HOOK3: variants seen among roughly 807,000 people sequenced by gnomAD.
The protein encoded by HOOK3 is hook microtubule tethering protein 3.
HOOK3 carries 24 observed loss-of-function variants against 116.3 expected under a neutral mutation model. The ratio of observed to expected loss-of-function variants is 0.21; its 90% CI spans 0.15 to 0.29. The LOEUF (loss-of-function observed/expected upper bound fraction) is 0.29. HOOK3 is among the 10% of genes least tolerant of loss of function. The pLI is 1.00. For missense variants in HOOK3, 632 were observed against 830.2 expected, an observed-to-expected ratio of 0.76 and a Z score of 2.93; for synonymous variants, 275 against 283.0, an observed-to-expected ratio of 0.97 and a Z score of 0.28.
intron 15 of HOOK3, among the ~76,000 whole-genome samples, chr8:42,990,107 C>G (rs1448645825): frequency 6.6e-6 from 1 of 151,874 alleles, no homozygotes; most frequent in East Asian, 1.9e-4. Flanking sequence ...AACTGTCCTT[C>G]CATGTCAGCC....
chr8:43,021,453 A>C lies in HOOK3; in HGVS notation c.*2955A>C, dbSNP rs537847921. ...AGAGTAGCTGGGATTACAGGTGCCC[A>C]CCACCATGGCTGGCTAATTTTTGTA... On this transcript the variant is annotated 3_prime_UTR_variant, in exon 22 of 22. Coordinates refer to ENST00000307602, the MANE Select transcript of HOOK3 (RefSeq NM_032410.4). 68 of 167,452 alleles carry C rather than the reference A, an allele frequency of 4.1e-4. No homozygotes were observed. Among genetic ancestry groups the C allele is most frequent in the Non-Finnish European group, 7.3e-4 (57 of 77,570 alleles). 10.4% of individuals were successfully genotyped at this position (167,452 alleles called of 1,614,324 possible).
intron 3 of HOOK3, 42 bp from the exon 4 acceptor site, chr8:42,930,080 T>G: frequency 6.5e-7 from 1 of 1,532,448 alleles, no homozygotes; most frequent in Non-Finnish European, 8.8e-7. Flanking sequence ...TGTTTTGATC[T>G]GTCTTGCCTT....
intron 15 of HOOK3, among the ~76,000 whole-genome samples, chr8:42,989,680 A>C (rs1439204320): frequency 6.6e-6 from 1 of 152,172 alleles, no homozygotes; most frequent in Non-Finnish European, 1.5e-5. Context: ...TTGTTGCGCT[A>C]GGAAATACTA....
chr8:42,977,330 G>C (rs1009718473), intron 13 of HOOK3, among the ~76,000 whole-genome samples: 7 of 152,088 alleles, frequency 4.6e-5, no homozygotes, highest in Non-Finnish European at 4.4e-5. Context: ...AGACACCTGG[G>C]GACTCCCTGT....
At chr8:42,950,690 AT>A (rs34792973) in intron 6 of HOOK3, among the ~76,000 whole-genome samples, 101 of 147,378 alleles carry the variant, frequency 6.9e-4, no homozygotes, top group African/African-American at 1.4e-3. Flanking sequence ...CTATTCCTAA[AT>A]TTTTTTTTTT....
At chr8:42,926,134 A>G (rs1460634480) in intron 3 of HOOK3, among the ~76,000 whole-genome samples, 1 of 152,218 alleles carries the variant, frequency 6.6e-6, no homozygotes. Context: ...AACTTACAAT[A>G]AGAAAAAAAG....
intron 15 of HOOK3, among the ~76,000 whole-genome samples, chr8:42,993,302 C>T (rs188660575): frequency 1.2e-4 from 19 of 152,224 alleles, no homozygotes; most frequent in Admixed American, 1.2e-3. Flanking sequence ...CTTACTCTGT[C>T]GCCCAAGCTG....
intron 5 of HOOK3, among the ~76,000 whole-genome samples, chr8:42,943,862 T>G (rs1320213921): frequency 6.6e-6 from 1 of 152,190 alleles, no homozygotes; most frequent in Non-Finnish European, 1.5e-5. Flanking sequence ...AGGCATATTG[T>G]ATTTGGAAAA....
At chr8:42,976,010 G>A (rs1808819692) in intron 13 of HOOK3, among the ~76,000 whole-genome samples, 1 of 151,266 alleles carries the variant, frequency 6.6e-6, no homozygotes, top group Admixed American at 6.6e-5. Flanking sequence ...CAGCCAAGAT[G>A]TAGATGTAGA....
intron 14 of HOOK3, among the ~76,000 whole-genome samples, chr8:42,984,879 G>A (rs1373813116): frequency 3.3e-5 from 5 of 152,148 alleles, no homozygotes; most frequent in Non-Finnish European, 7.3e-5. Flanking sequence ...CTCCAGCCTG[G>A]GCGACAGCTA....
intron 15 of HOOK3, among the ~76,000 whole-genome samples, chr8:42,992,436 G>C (rs1437523963): frequency 7.3e-6 from 1 of 137,448 alleles, no homozygotes; most frequent in East Asian, 2.1e-4. Flanking sequence ...ACTGATTTTT[G>C]GCCAGGTGCG....
chr8:42,917,903 T>C (rs1807563613), intron 2 of HOOK3, among the ~76,000 whole-genome samples: 1 of 152,206 alleles, frequency 6.6e-6, no homozygotes, highest in Non-Finnish European at 1.5e-5. Context: ...TAGTCAACTC[T>C]AACACACATT....
intron 2 of HOOK3, among the ~76,000 whole-genome samples, chr8:42,918,927 G>C (rs1423182575): frequency 2.0e-5 from 3 of 152,246 alleles, no homozygotes; most frequent in Admixed American, 2.0e-4. Flanking sequence ...TCAATGAGCT[G>C]TTGGGTACAC....
Position 43,022,729 on chromosome 8 carries a change from A to G in HOOK3, c.*4231A>G, listed in dbSNP as rs986490488. 1.7e-5 allele frequency: 3 copies of G among 180,162 alleles called. No individual in the cohort carries two copies. The highest frequency in any genetic ancestry group is 3.6e-5 in the Non-Finnish European group (3 of 84,260). The allele number at this position is 180,162 out of a possible 1,614,324, so 11.2% of individuals were successfully genotyped here. ...GTAATGCAGAAAAAAGTCCCTAAAGACCCTGTGTTCCAAAATTTACCAAGA... is the reference window on the plus strand; with the variant it reads ...GTAATGCAGAAAAAAGTCCCTAAAGGCCCTGTGTTCCAAAATTTACCAAGA... On this transcript the variant is annotated 3_prime_UTR_variant, in exon 22 of 22. Coordinates refer to ENST00000307602, the MANE Select transcript of HOOK3 (RefSeq NM_032410.4).
chr8:42,999,993 A>T (rs1809348780), intron 16 of HOOK3, among the ~76,000 whole-genome samples: 1 of 151,964 alleles, frequency 6.6e-6, no homozygotes, highest in Admixed American at 6.6e-5. Context: ...AAAAATACAA[A>T]AAAAATTAGC....
intron 2 of HOOK3, among the ~76,000 whole-genome samples, chr8:42,923,843 T>C (rs1290563182): frequency 6.6e-6 from 1 of 152,172 alleles, no homozygotes; most frequent in Non-Finnish European, 1.5e-5. Context: ...TAAAAGTAAA[T>C]AGATAATGAA....
chr8:42,970,949 A>G (rs1040110663), intron 11 of HOOK3, among the ~76,000 whole-genome samples: 1 of 151,778 alleles, frequency 6.6e-6, no homozygotes, highest in African/African-American at 2.4e-5. Flanking sequence ...CGCCACACTC[A>G]GCTAATTTTG....
chr8:42,902,836 G>T (rs569168696), intron 1 of HOOK3, among the ~76,000 whole-genome samples: 79 of 152,280 alleles, frequency 5.2e-4, no homozygotes, highest in African/African-American at 1.9e-3. Flanking sequence ...TCCACTGAGG[G>T]CTTGTTCGTA....
chr8:43,029,910 A>G lies in HOOK3; in HGVS notation c.*11412A>G, dbSNP rs2130510889. On this transcript the variant is annotated 3_prime_UTR_variant, in exon 22 of 22. Coordinates refer to ENST00000307602, the MANE Select transcript of HOOK3 (RefSeq NM_032410.4). ...AATTGTTGTTAGTTTCATATTTGAC[A>G]TTGTAGTAATCCACCTTGCATTTTA... 4.7e-6 allele frequency: 1 copy of G among 214,420 alleles called. No homozygotes were observed. The highest frequency in any genetic ancestry group is 1.9e-4 in the South Asian group (1 of 5,388). 13.3% of individuals were successfully genotyped at this position (214,420 alleles called of 1,614,324 possible).
Sources: allele counts gnomAD v4.1 joint callset (sites outside exome capture counted in the v4.1 genomes callset), GRCh38; gene constraint gnomAD v4.1.1; transcripts MANE v1.5; gene names NCBI Gene and HGNC (gene_info 2026-07-23, HGNC 2026-07-21).